Variants in LRBA observed in about 807,000 individuals in gnomAD.
The protein encoded by LRBA is lipopolysaccharide-responsive and beige-like anchor protein.
LRBA carries 176 observed loss-of-function variants against 330.0 expected under a neutral mutation model. The observed-to-expected ratio is 0.53, with a 90% CI of 0.47 to 0.60. The LOEUF (loss-of-function observed/expected upper bound fraction) is 0.60. Among genes scored for constraint, LRBA ranks in the 20% least tolerant of loss-of-function variants. The pLI is 0.00. For synonymous variants in LRBA, 1,230 were observed against 1,193.0 expected (o/e 1.03, Z -0.64); for missense variants, 3,259 against 3,444.8 (o/e 0.95, Z 1.35).
intron 13 of LRBA, 99 bp downstream of exon 13, chr4:150,905,739 T>C (rs1440615620): frequency 9.6e-7 from 1 of 1,041,514 alleles, no homozygotes; most frequent in Non-Finnish European, 1.4e-6. Flanking sequence ...TCTTGCATAA[T>C]AGTACATAAA....
intron 47 of LRBA, among the ~76,000 whole-genome samples, chr4:150,394,903 T>C (rs888673878): frequency 1.3e-5 from 2 of 152,186 alleles, no homozygotes; most frequent in Non-Finnish European, 2.9e-5. Context: ...CACTATTATA[T>C]GCTTGTAGTC....
intron 46 of LRBA, among the ~76,000 whole-genome samples, chr4:150,420,413 AT>A (rs1331567662): frequency 3.9e-4 from 52 of 133,620 alleles, no homozygotes; most frequent in East Asian, 8.8e-4. Flanking sequence ...TATAATACAC[AT>A]TATAGTATAT....
chr4:150,884,727 C>CA (rs1174808903), intron 17 of LRBA, among the ~76,000 whole-genome samples: 2 of 151,486 alleles, frequency 1.3e-5, no homozygotes, highest in African/African-American at 4.8e-5. Context: ...CATAGAAAAA[C>CA]AAAAAAAGTC....
At chr4:150,759,171 C>T (rs1224681643) in intron 35 of LRBA, among the ~76,000 whole-genome samples, 5 of 152,158 alleles carry the variant, frequency 3.3e-5, no homozygotes, top group African/African-American at 1.2e-4. Flanking sequence ...CCACCTCAGC[C>T]TCCGAAAGTG....
chr4:150,315,323 A>G, intron 51 of LRBA: 1 of 579,718 alleles, frequency 1.7e-6, no homozygotes, highest in Non-Finnish European at 3.1e-6. Flanking sequence ...TTATTACAGC[A>G]TCCATATTAA....
At chr4:150,723,679 G>C (rs1232536105) in intron 36 of LRBA, among the ~76,000 whole-genome samples, 1 of 152,172 alleles carries the variant, frequency 6.6e-6, no homozygotes, top group African/African-American at 2.4e-5. Context: ...GAAAAGCAGA[G>C]GGAAAAATAA....
intron 52 of LRBA, among the ~76,000 whole-genome samples, chr4:150,308,681 T>A (rs182487308): frequency 6.6e-6 from 1 of 152,178 alleles, no homozygotes; most frequent in Non-Finnish European, 1.5e-5. Context: ...GTGATATTGA[T>A]GATCCTGACC....
At chr4:150,887,545 A>C (rs1729066632) in intron 17 of LRBA, among the ~76,000 whole-genome samples, 1 of 152,030 alleles carries the variant, frequency 6.6e-6, no homozygotes, top group Non-Finnish European at 1.5e-5. Context: ...AGGCCGAGGC[A>C]GGCAGATGGT....
chr4:150,376,827 G>A (rs1434316939), intron 47 of LRBA, among the ~76,000 whole-genome samples: 1 of 152,096 alleles, frequency 6.6e-6, no homozygotes, highest in Non-Finnish European at 1.5e-5. Flanking sequence ...GTCAAAGTCA[G>A]CTAGGAGTTT....
At chr4:150,497,279 A>G (rs1759699257) in intron 40 of LRBA, among the ~76,000 whole-genome samples, 1 of 152,172 alleles carries the variant, frequency 6.6e-6, no homozygotes, top group African/African-American at 2.4e-5. Context: ...TTACTTCATC[A>G]CCAACCATAT....
intron 55 of LRBA, among the ~76,000 whole-genome samples, chr4:150,281,500 AG>A (rs979577790): frequency 3.3e-5 from 5 of 152,150 alleles, no homozygotes; most frequent in Non-Finnish European, 7.4e-5. Flanking sequence ...ACTTAGGAGA[AG>A]GGGGTGATCA....
chr4:150,346,333 G>T (rs1393244119), intron 48 of LRBA, among the ~76,000 whole-genome samples: 3 of 151,904 alleles, frequency 2.0e-5, no homozygotes, highest in Non-Finnish European at 4.4e-5. Flanking sequence ...GGTGTGATGT[G>T]TGGAAGACTA....
chr4:150,481,304 G>A (rs1298669836), intron 42 of LRBA, among the ~76,000 whole-genome samples: 3 of 152,046 alleles, frequency 2.0e-5, no homozygotes, highest in African/African-American at 7.2e-5. Context: ...AACATGGTGG[G>A]TGCAGATGTC....
chr4:150,803,044 TAAAAACAAAAAC>T (rs1230102482), intron 33 of LRBA, among the ~76,000 whole-genome samples: 2 of 92,430 alleles, frequency 2.2e-5, no homozygotes, highest in East Asian at 6.3e-4. Flanking sequence ...AAAAAAAAAC[TAAAAACAAAAAC>T]AAAAACAAAC....
At chr4:150,706,782 A>G (rs1045275642) in intron 36 of LRBA, among the ~76,000 whole-genome samples, 1 of 151,732 alleles carries the variant, frequency 6.6e-6, no homozygotes, top group East Asian at 1.9e-4. Context: ...AACAGCTGCA[A>G]AGGACATGCT....
chr4:150,310,755 G>T (rs1730958214), intron 51 of LRBA: 2 of 168,194 alleles, frequency 1.2e-5, no homozygotes, highest in East Asian at 3.3e-4. Context: ...TCATGAGAAT[G>T]GTTCATGTTG....
At chr4:150,597,481 A>G (rs917307735) in intron 38 of LRBA, among the ~76,000 whole-genome samples, 1 of 151,984 alleles carries the variant, frequency 6.6e-6, no homozygotes, top group Non-Finnish European at 1.5e-5. Flanking sequence ...GTGCAATTTT[A>G]GAAAACAAAT....
chr4:150,832,155 A>C (rs755913102), intron 28 of LRBA, among the ~76,000 whole-genome samples, 179 bp from the exon 29 acceptor site: 1 of 152,158 alleles, frequency 6.6e-6, no homozygotes, highest in Non-Finnish European at 1.5e-5. Context: ...TTAGGCAAAG[A>C]CTCTTAGAAA....
intron 33 of LRBA, among the ~76,000 whole-genome samples, chr4:150,799,832 C>G (rs1047299722): frequency 9.9e-5 from 15 of 152,198 alleles, no homozygotes; most frequent in African/African-American, 3.6e-4. Flanking sequence ...ACAACCTCCA[C>G]CTCCCAGGTT....
Sources: allele counts gnomAD v4.1 joint callset (sites outside exome capture counted in the v4.1 genomes callset), GRCh38; gene constraint gnomAD v4.1.1; transcripts MANE v1.5; gene names NCBI Gene and HGNC (gene_info 2026-07-23, HGNC 2026-07-21).